Variants in CEP128 observed in about 807,000 individuals in gnomAD.
CEP128 encodes centrosomal protein 128.
A neutral mutation model predicts 156.7 loss-of-function variants in CEP128; 132 were observed. The ratio of observed to expected loss-of-function variants is 0.84; its 90% CI spans 0.73 to 0.97. The LOEUF is 0.97. Among genes scored for constraint, CEP128 ranks in the 50% least tolerant of loss-of-function variants. The pLI, the probability that CEP128 is intolerant of heterozygous loss-of-function variation, is 0.00. For synonymous variants in CEP128, 469 were observed against 448.9 expected (o/e 1.04, Z -0.57); for missense variants, 1,252 against 1,281.9 (o/e 0.98, Z 0.36).
intron 23 of CEP128, among the ~76,000 whole-genome samples, chr14:80,521,782 T>G (rs1888756749): frequency 6.6e-6 from 1 of 152,218 alleles, no homozygotes; most frequent in South Asian, 2.1e-4. Flanking sequence ...ACACTCACTG[T>G]GTGTTCTGGA....
chr14:80,829,898 T>C (rs919221380), intron 13 of CEP128, among the ~76,000 whole-genome samples: 1 of 152,118 alleles, frequency 6.6e-6, no homozygotes, highest in African/African-American at 2.4e-5. Flanking sequence ...CTCACATATT[T>C]GAGATTTTTT....
chr14:80,911,422 C>T (rs908799691), intron 4 of CEP128, among the ~76,000 whole-genome samples: 1 of 152,218 alleles, frequency 6.6e-6, no homozygotes, highest in Non-Finnish European at 1.5e-5. Flanking sequence ...AGGAGAATTG[C>T]TTTAGCCCAG....
At chr14:80,875,508 A>G (rs1888239610) in intron 8 of CEP128, among the ~76,000 whole-genome samples, 1 of 152,240 alleles carries the variant, frequency 6.6e-6, no homozygotes, top group Non-Finnish European at 1.5e-5. Context: ...GATAATAGAC[A>G]ATCGAAACAG....
chr14:80,783,929 A>G (rs181236496), intron 15 of CEP128, among the ~76,000 whole-genome samples: 1 of 152,274 alleles, frequency 6.6e-6, no homozygotes, highest in Admixed American at 6.5e-5. Context: ...CAAATCCACT[A>G]ATGCCAGAAG....
intron 2 of CEP128, among the ~76,000 whole-genome samples, chr14:80,921,935 C>G (rs1163124198): frequency 1.7e-5 from 2 of 120,578 alleles, no homozygotes; most frequent in Non-Finnish European, 3.6e-5. Context: ...TGCACTCCAG[C>G]TGGGGCGACA....
intron 18 of CEP128, among the ~76,000 whole-genome samples, chr14:80,747,512 T>C (rs1351837845): frequency 1.3e-5 from 2 of 152,170 alleles, no homozygotes; most frequent in Non-Finnish European, 2.9e-5. Context: ...CCACATATTA[T>C]ATGATTATAT....
chr14:80,781,422 A>G (rs1901104161), intron 15 of CEP128, among the ~76,000 whole-genome samples: 1 of 140,172 alleles, frequency 7.1e-6, no homozygotes, highest in Middle Eastern at 4.1e-3. Context: ...GCACCACTGC[A>G]CTCCAGCCTG....
chr14:80,611,816 T>C (rs756535042), intron 19 of CEP128, among the ~76,000 whole-genome samples: 42 of 152,152 alleles, frequency 2.8e-4, no homozygotes, highest in Non-Finnish European at 5.0e-4. Flanking sequence ...TCCCAGCAGT[T>C]TGGGAGGCCA....
Position 80,831,259 on chromosome 14 carries a change from T to C in CEP128, c.1093A>G (p.Met365Val). Residue 365 changes from methionine (M) to valine (V), a missense_variant, in exon 13 of 25, where the codon ATG (methionine) becomes GTG (valine). By Grantham distance (21) the Met-to-Val change is conservative. Coordinates refer to ENST00000555265, the MANE Select transcript of CEP128 (RefSeq NM_152446.5). The part of the protein sequence containing the change: ...EREKQDLEKQ[M>V]SDLRVQLNFS... Reference sequence around the variant, plus strand: ...TTCAGCTGCACTCTCAAATCTGACATTTGCTTCTCCAGGTCCTGTTTTTCC... The same window carrying C: ...TTCAGCTGCACTCTCAAATCTGACACTTGCTTCTCCAGGTCCTGTTTTTCC... 6.2e-7 allele frequency: 1 copy of C among 1,614,086 alleles called. No homozygotes were observed. The highest frequency in any genetic ancestry group is 1.1e-5 in the South Asian group (1 of 91,074).
chr14:80,731,689 T>C (rs908235732), intron 19 of CEP128, among the ~76,000 whole-genome samples: 3 of 152,160 alleles, frequency 2.0e-5, no homozygotes, highest in Non-Finnish European at 4.4e-5. Context: ...AAGGAGAGCA[T>C]GCACATCAAA....
At chr14:80,630,734 G>A (rs1893926068) in intron 19 of CEP128, among the ~76,000 whole-genome samples, 1 of 151,986 alleles carries the variant, frequency 6.6e-6, no homozygotes, top group Admixed American at 6.6e-5. Flanking sequence ...TTTTTATAGT[G>A]TAAGGACTGA....
At chr14:80,612,344 G>A (rs1893026761) in intron 19 of CEP128, among the ~76,000 whole-genome samples, 1 of 152,128 alleles carries the variant, frequency 6.6e-6, no homozygotes, top group Non-Finnish European at 1.5e-5. Flanking sequence ...ATGAAAGGAT[G>A]AAAATGAAGG....
At chr14:80,655,844 C>A (rs1016695980) in intron 19 of CEP128, among the ~76,000 whole-genome samples, 1 of 152,110 alleles carries the variant, frequency 6.6e-6, no homozygotes, top group Non-Finnish European at 1.5e-5. Context: ...CCTCTGCTGG[C>A]CTTTTGAGTT....
chr14:80,789,128 T>C (rs972473098), intron 14 of CEP128, among the ~76,000 whole-genome samples: 2 of 151,916 alleles, frequency 1.3e-5, no homozygotes, highest in Admixed American at 6.6e-5. Flanking sequence ...TAGAAATCGG[T>C]AAAATATATG....
chr14:80,714,289 T>C (rs1897520706), intron 19 of CEP128, among the ~76,000 whole-genome samples: 1 of 151,918 alleles, frequency 6.6e-6, no homozygotes, highest in Non-Finnish European at 1.5e-5. Flanking sequence ...GCATCACCCA[T>C]TCAAGGCAAA....
chr14:80,848,301 G>A (rs990506625), intron 9 of CEP128, among the ~76,000 whole-genome samples: 1 of 152,128 alleles, frequency 6.6e-6, no homozygotes, highest in Admixed American at 6.6e-5. Flanking sequence ...GGAGGTACAT[G>A]GTATATCCAT....
At chr14:80,618,383 A>T (rs1230555449) in intron 19 of CEP128, among the ~76,000 whole-genome samples, 1 of 152,260 alleles carries the variant, frequency 6.6e-6, no homozygotes, top group Non-Finnish European at 1.5e-5. Context: ...TAATATCAAC[A>T]CACAACATGA....
intron 13 of CEP128, among the ~76,000 whole-genome samples, chr14:80,807,813 C>T (rs576802486): frequency 1.3e-5 from 2 of 152,246 alleles, no homozygotes; most frequent in African/African-American, 4.8e-5. Flanking sequence ...CATAGGTCTA[C>T]ATCCTGCCCT....
intron 23 of CEP128, among the ~76,000 whole-genome samples, chr14:80,510,558 G>T (rs1320170042): frequency 6.6e-6 from 1 of 152,018 alleles, no homozygotes; most frequent in African/African-American, 2.4e-5. Flanking sequence ...AAGAATAATT[G>T]ACTTCTTCCT....
Sources: gnomAD v4.1 joint callset for allele counts (sites outside exome capture counted in the v4.1 genomes callset) on GRCh38, gnomAD v4.1.1 for gene constraint, MANE v1.5 for transcripts, NCBI Gene and HGNC (gene_info 2026-07-23, HGNC 2026-07-21) for gene names.